ZNF254: variants seen among roughly 807,000 people sequenced by gnomAD.
ZNF254 encodes zinc finger protein 254.
Under a neutral mutation model 12.4 loss-of-function variants are expected in ZNF254, and 10 were observed. The observed-to-expected ratio is 0.80, with a 90% CI of 0.50 to 1.36. The LOEUF is 1.36. Ranked by LOEUF, ZNF254 falls within the 40% of genes most tolerant of loss-of-function variation. The pLI is 0.00. For synonymous variants in ZNF254, 305 were observed against 253.4 expected (o/e 1.20, Z -1.93); for missense variants, 996 against 763.9 (o/e 1.30, Z -3.58).
At chr19:24,103,482 T>A (rs542285319) in intron 1 of ZNF254, among the ~76,000 whole-genome samples, 59 of 152,320 alleles carry the variant, frequency 3.9e-4, no homozygotes, top group African/African-American at 1.3e-3. Context: ...TAGAATCACA[T>A]GGCCAATATG....
At chr19:24,057,180 T>C (rs1970890027) in intron 2 of ZNF254, among the ~76,000 whole-genome samples, 1 of 152,164 alleles carries the variant, frequency 6.6e-6, no homozygotes, top group Non-Finnish European at 1.5e-5. Context: ...ACAGATGGGA[T>C]TGTGATTTAT....
chr19:24,077,168 T>C (rs887403075), intron 2 of ZNF254, among the ~76,000 whole-genome samples: 2 of 152,216 alleles, frequency 1.3e-5, no homozygotes, highest in African/African-American at 4.8e-5. Context: ...TTTTTTCTCT[T>C]ATCTACTTAT....
At position 24,126,653 on chromosome 19, in the gene ZNF254, C is replaced by T. The variant is rs533281531; in HGVS notation, c.653C>T (p.Thr218Ile). ...KSYKCKECGKTFNWSSTLTNH... is the reference protein window; with the variant it reads ...KSYKCKECGKIFNWSSTLTNH... ...TACAAATGTAAAGAATGTGGAAAAACCTTTAATTGGTCCTCAACCCTTACT... is the reference window on the plus strand; with the variant it reads ...TACAAATGTAAAGAATGTGGAAAAATCTTTAATTGGTCCTCAACCCTTACT... Residue 218 changes from threonine to isoleucine, a missense_variant, in exon 4 of 4, where the codon ACC becomes ATC. Coordinates refer to ENST00000357002, the MANE Select transcript of ZNF254 (RefSeq NM_203282.4). 3 of 1,612,016 alleles carry T rather than the reference C, an allele frequency of 1.9e-6. No homozygotes were observed. The East Asian group carries it at 6.7e-5, about 36-fold the overall frequency.
chr19:24,084,151 A>G (rs185343975), upstream of ZNF254, among the ~76,000 whole-genome samples: 5 of 147,788 alleles, frequency 3.4e-5, no homozygotes, highest in Non-Finnish European at 6.0e-5. Flanking sequence ...TTCTTTATAT[A>G]TATATAATAT....
At chr19:24,095,642 A>G (rs982368381) in intron 1 of ZNF254, among the ~76,000 whole-genome samples, 2 of 151,680 alleles carry the variant, frequency 1.3e-5, no homozygotes, top group Admixed American at 6.6e-5. Context: ...TACCTTTTTC[A>G]TTTTTTCTAG....
At chr19:24,101,813 TTGTG>T (rs1241596065) in intron 1 of ZNF254, among the ~76,000 whole-genome samples, 1 of 152,206 alleles carries the variant, frequency 6.6e-6, no homozygotes, top group Non-Finnish European at 1.5e-5. Context: ...CAGAACAGAA[TTGTG>T]TCAGGCTGAC....
At chr19:24,077,134 T>C (rs1303239747) in intron 2 of ZNF254, among the ~76,000 whole-genome samples, 1 of 152,212 alleles carries the variant, frequency 6.6e-6, no homozygotes, top group Non-Finnish European at 1.5e-5. Flanking sequence ...GGGAGACTTA[T>C]CAAGGACTCA....
At chr19:24,109,637 T>C (rs1265691983) in intron 3 of ZNF254, among the ~76,000 whole-genome samples, 3 of 152,172 alleles carry the variant, frequency 2.0e-5, no homozygotes, top group African/African-American at 7.2e-5. Flanking sequence ...TCTACAAATA[T>C]GACCCAAATT....
intron 1 of ZNF254, among the ~76,000 whole-genome samples, chr19:24,037,505 C>A (rs1333440801): frequency 6.6e-6 from 1 of 152,228 alleles, no homozygotes; most frequent in Non-Finnish European, 1.5e-5. Context: ...ACAATCTCGG[C>A]TTACTGCAAC....
At chr19:24,036,833 T>A (rs1388462671) in intron 1 of ZNF254, among the ~76,000 whole-genome samples, 1 of 152,194 alleles carries the variant, frequency 6.6e-6, no homozygotes, top group Non-Finnish European at 1.5e-5. Context: ...CTACCACCAA[T>A]GATTTCCGCC....
chr19:24,074,843 G>A (rs929568089), intron 2 of ZNF254, among the ~76,000 whole-genome samples: 1 of 152,130 alleles, frequency 6.6e-6, no homozygotes, highest in Non-Finnish European at 1.5e-5. Context: ...CCCACAGGGG[G>A]CATTGTGACA....
chr19:24,044,705 G>A (rs369457411), intron 1 of ZNF254, among the ~76,000 whole-genome samples: 17 of 152,212 alleles, frequency 1.1e-4, no homozygotes, highest in African/African-American at 3.4e-4. Context: ...GTGTTTAAAA[G>A]TATCTTATTT....
intron 3 of ZNF254, among the ~76,000 whole-genome samples, chr19:24,111,574 G>T (rs992303011): frequency 5.8e-4 from 89 of 152,368 alleles, no homozygotes; most frequent in African/African-American, 2.0e-3. Flanking sequence ...CACCAACAGT[G>T]TAAAAGTGTT....
intron 1 of ZNF254, among the ~76,000 whole-genome samples, chr19:24,090,051 A>C (rs981761907): frequency 6.7e-6 from 1 of 150,130 alleles, no homozygotes; most frequent in African/African-American, 2.4e-5. Context: ...AAAAAAAAAA[A>C]GCTGGGTGTA....
intron 1 of ZNF254, among the ~76,000 whole-genome samples, chr19:24,042,420 C>T (rs958411413): frequency 6.6e-6 from 1 of 152,210 alleles, no homozygotes; most frequent in Non-Finnish European, 1.5e-5. Context: ...ACTGTGGAAA[C>T]TTTGTTCTTT....
chr19:24,114,210 G>A (rs1444563675), intron 3 of ZNF254, among the ~76,000 whole-genome samples: 6 of 152,134 alleles, frequency 3.9e-5, no homozygotes, highest in East Asian at 1.9e-4. Flanking sequence ...AAAAGAGCCC[G>A]CATCGCCAAG....
At chr19:24,080,134 A>T (rs1971797340) in intron 2 of ZNF254, 3 of 152,176 alleles carry the variant, frequency 2.0e-5, no homozygotes, top group South Asian at 4.1e-4. Flanking sequence ...TGGCATTTTT[A>T]GTTTTTAATA....
chr19:24,090,348 C>T lies in ZNF254; in HGVS notation c.30+3011C>T, dbSNP rs539479279. On this transcript the variant is annotated intron_variant, in intron 1 of 3. Coordinates refer to ENST00000357002, the MANE Select transcript of ZNF254 (RefSeq NM_203282.4). ...CTTTAGTGAGTAGGATGGGGTGGGACAGTCTCTCAAGTAATTGGATGGCCT... is the reference window on the plus strand; with the variant it reads ...CTTTAGTGAGTAGGATGGGGTGGGATAGTCTCTCAAGTAATTGGATGGCCT... Among the ~76,000 whole-genome samples the T allele has an allele frequency of 5.3e-5, 8 of 152,234 alleles. No homozygotes were observed. The East Asian group carries it at 1.4e-3, about 26-fold the overall frequency.
Position 24,087,268 on chromosome 19 carries a change from T to G in ZNF254, c.-40T>G, listed in dbSNP as rs1215949281. On this transcript the variant is annotated 5_prime_UTR_variant, in exon 1 of 4. Coordinates refer to ENST00000357002, the MANE Select transcript of ZNF254 (RefSeq NM_203282.4). ...TCTGCTCCTAGAGGCCCAGCCTCTG[T>G]GGCGCTGTTACCAGCAGGTATTGGA... 1.2e-6 allele frequency: 2 copies of G among 1,612,494 alleles called. No homozygotes were observed. The highest frequency in any genetic ancestry group is 1.7e-6 in the Non-Finnish European group (2 of 1,179,120).
Sources: allele counts gnomAD v4.1 joint callset (sites outside exome capture counted in the v4.1 genomes callset), GRCh38; gene constraint gnomAD v4.1.1; transcripts MANE v1.5; gene names NCBI Gene and HGNC (gene_info 2026-07-23, HGNC 2026-07-21).